ABCD2: variants seen among roughly 807,000 people sequenced by gnomAD.
The protein encoded by ABCD2 is ATP binding cassette subfamily D member 2, also known as ATP-binding cassette sub-family D member 2.
Under a neutral mutation model 70.9 loss-of-function variants are expected in ABCD2, and 36 were observed. That is an observed-to-expected ratio of 0.51 (90% CI 0.39 to 0.67). The LOEUF (loss-of-function observed/expected upper bound fraction) is 0.67, where lower values mean the gene tolerates loss of function less well. Among genes scored for constraint, ABCD2 ranks in the 30% least tolerant of loss-of-function variants. The probability of loss-of-function intolerance (pLI) is 0.00; values close to 1 mark genes in which losing one functional copy is unlikely to be tolerated. For synonymous variants in ABCD2, 304 were observed against 306.9 expected, an observed-to-expected ratio of 0.99 and a Z score of 0.10; for missense variants, 729 against 890.2, an observed-to-expected ratio of 0.82 and a Z score of 2.30.
Position 39,618,726 on chromosome 12 carries a change from G to A in ABCD2, c.890C>T (p.Ser297Leu), listed in dbSNP as rs773549369. The A allele has an allele frequency of 3.7e-6, 6 of 1,614,084 alleles. No homozygotes were observed. The highest frequency in any genetic ancestry group is 1.3e-5 in the African/African-American group (1 of 75,020). ...TTCTTCTACATTGGCTATAATTCTC[G>A]AGTGCACATACCGCAAATAGCCTTT... is the stretch of plus-strand genomic sequence containing the variant. ...HRKGYLRYVHSRIIANVEEIA... is the reference protein window; with the variant it reads ...HRKGYLRYVHLRIIANVEEIA... Residue 297 changes from serine (S) to leucine (L), a missense_variant, in exon 1 of 10, where the codon TCG becomes TTG. Transcript: ENST00000308666.
At chr12:39,585,959 G>A (rs1251847737) in intron 7 of ABCD2, among the ~76,000 whole-genome samples, 193 bp downstream of exon 7, 1 of 152,090 alleles carries the variant, frequency 6.6e-6, no homozygotes, top group African/African-American at 2.4e-5. Context: ...AAAACTTAGT[G>A]TGTTGCATTA....
the ABCD2 span, among the ~76,000 whole-genome samples, chr12:39,534,171 T>G: frequency 1.3e-5 from 2 of 152,172 alleles, no homozygotes; most frequent in Non-Finnish European, 2.9e-5. Flanking sequence ...AGGTGTGCAG[T>G]AGGGTGGTGG....
the ABCD2 span, among the ~76,000 whole-genome samples, chr12:39,534,889 A>G: frequency 7.1e-5 from 1 of 14,104 alleles, no homozygotes; most frequent in Non-Finnish European, 1.2e-4. Context: ...GGAAGGAAAG[A>G]AAGAAAGAAA....
chr12:39,534,965 A>G, the ABCD2 span, among the ~76,000 whole-genome samples: 3 of 151,944 alleles, frequency 2.0e-5, no homozygotes, highest in Admixed American at 6.6e-5. Context: ...AAGAGAAAAT[A>G]TTGACTTTAT....
chr12:39,585,623 T>C (rs1349669265), intron 7 of ABCD2, among the ~76,000 whole-genome samples: 1 of 152,152 alleles, frequency 6.6e-6, no homozygotes, highest in Non-Finnish European at 1.5e-5. Context: ...TAAGCTTATA[T>C]GTACAAATGT....
At chr12:39,599,658 C>T (rs73096553) in intron 6 of ABCD2, among the ~76,000 whole-genome samples, 5,032 of 152,252 alleles carry the variant, frequency 0.033, 136 homozygotes, top group African/African-American at 0.067. Context: ...TGCCTAACTG[C>T]TATGTCTGGT....
chr12:39,534,761 A>AAGGAAG, the ABCD2 span, among the ~76,000 whole-genome samples: 53 of 4,962 alleles, frequency 0.011, no homozygotes, highest in African/African-American at 0.033. Context: ...AGAAAGAAAG[A>AAGGAAG]GAAAGAAAGA....
intron 2 of ABCD2, among the ~76,000 whole-genome samples, chr12:39,614,542 A>G (rs1215393169): frequency 3.4e-5 from 5 of 147,510 alleles, no homozygotes; most frequent in African/African-American, 1.2e-4. Flanking sequence ...TGACTCACCT[A>G]TTTTTCTACC....
At chr12:39,607,429 A>G (rs994815100) in intron 3 of ABCD2, among the ~76,000 whole-genome samples, 170 bp downstream of exon 3, 1 of 152,216 alleles carries the variant, frequency 6.6e-6, no homozygotes, top group Non-Finnish European at 1.5e-5. Context: ...AACAAAGGAT[A>G]TTAGCAGCAT....
chr12:39,602,090 A>T (rs369023895), intron 5 of ABCD2, among the ~76,000 whole-genome samples: 1 of 150,534 alleles, frequency 6.6e-6, no homozygotes, highest in Non-Finnish European at 1.5e-5. Flanking sequence ...TCTCACACTA[A>T]CTTTTCTTCT....
intron 6 of ABCD2, among the ~76,000 whole-genome samples, chr12:39,591,274 G>A (rs1245342205): frequency 6.6e-6 from 1 of 152,076 alleles, no homozygotes; most frequent in African/African-American, 2.4e-5. Context: ...TAAAAAATGT[G>A]TGATAATAAG....
At chr12:39,615,613 T>A (rs1302327320) in intron 2 of ABCD2, among the ~76,000 whole-genome samples, 2 of 152,090 alleles carry the variant, frequency 1.3e-5, no homozygotes, top group Admixed American at 6.6e-5. Flanking sequence ...ATTTGTGAAG[T>A]ATAATTGATA....
At position 39,552,683 on chromosome 12, in the gene ABCD2, A is replaced by T. The variant is rs935959459; in HGVS notation, c.*1229T>A. The T allele has an allele frequency of 2.6e-5, 4 of 151,974 alleles. No individual in the cohort carries two copies. The highest frequency in any genetic ancestry group is 9.7e-5 in the African/African-American group (4 of 41,438). 9.4% of individuals were successfully genotyped at this position (151,974 alleles called of 1,614,324 possible). On this transcript the variant is annotated 3_prime_UTR_variant, in exon 10 of 10. Transcript: ENST00000308666. ...TTTCATTTTAAGCCGCAGAACAATG[A>T]TCTTTGCACTTTGTACTTAATTTTC...
chr12:39,607,526 C>T (rs1941985010), intron 3 of ABCD2, 73 bp downstream of exon 3: 6 of 1,238,888 alleles, frequency 4.8e-6, no homozygotes, highest in Non-Finnish European at 7.0e-6. Context: ...ACTAAGTATA[C>T]TTGGTAATTG....
rs751875238 is a variant in ABCD2 at position 39,607,697 on chromosome 12, C to T, written c.1138G>A (p.Val380Ile). ...FADGEDGQKQ[V>I]MVSERTEAFT... The stretch of plus-strand genomic sequence containing the variant: ...GCTTCTGTCCGTTCACTAACCATAA[C>T]TTGCTTTTGGCCATCCTCTAGATAT... Residue 380 changes from valine to isoleucine, a missense_variant, in exon 3 of 10, where the codon GTT (valine) becomes ATT (isoleucine). By Grantham distance (29) the Val-to-Ile change is conservative. This residue lies in a region of ABCD2 where 195 missense variants were observed against 300.2 expected (regional missense o/e 0.65). Coordinates refer to ENST00000308666, the MANE Select transcript of ABCD2 (RefSeq NM_005164.4). 26 of 1,608,324 alleles carry T rather than the reference C, an allele frequency of 1.6e-5. No individual in the cohort carries two copies. Among genetic ancestry groups the T allele is most frequent in the Non-Finnish European group, 2.2e-5 (26 of 1,177,994 alleles).
At position 39,619,694 on chromosome 12, in the gene ABCD2, T is replaced by C; in HGVS notation, c.-79A>G. 1 of 1,315,138 alleles carries C rather than the reference T, an allele frequency of 7.6e-7. No homozygotes were observed. Among genetic ancestry groups the C allele is most frequent in the East Asian group, 2.4e-5 (1 of 40,950 alleles). 81.5% of individuals were successfully genotyped at this position (1,315,138 alleles called of 1,614,324 possible). A position where few individuals can be genotyped will look rare whatever the true frequency, so the allele number is the denominator to read the frequency against. On this transcript the variant is annotated 5_prime_UTR_variant, in exon 1 of 10. It removes the in-frame stop codon of an upstream open reading frame in the 5' UTR. Coordinates refer to ENST00000308666, the MANE Select transcript of ABCD2 (RefSeq NM_005164.4). ...TTCACAGAAATCCCCAGCAAATGTT[T>C]TAGAAAGTCCTACAGCGTCCCATAG... is the stretch of plus-strand genomic sequence containing the variant.
intron 9 of ABCD2, among the ~76,000 whole-genome samples, chr12:39,562,362 G>C (rs949511539): frequency 6.6e-6 from 1 of 151,640 alleles, no homozygotes; most frequent in Non-Finnish European, 1.5e-5. Context: ...AAATAAAATA[G>C]AGCCTGGAAA....
intron 7 of ABCD2, among the ~76,000 whole-genome samples, chr12:39,585,520 T>C (rs1941652229): frequency 6.6e-6 from 1 of 152,172 alleles, no homozygotes; most frequent in Non-Finnish European, 1.5e-5. Flanking sequence ...TTCTCTTGCC[T>C]GGCTTATCTA....
chr12:39,581,671 T>C lies in ABCD2; in HGVS notation c.1793-2052A>G, dbSNP rs142490405. ...TTCTGGGCTTAACTTTTTTTTCCCC[T>C]GCCCCCTGAAAACATGGCACAAGAG... is the stretch of plus-strand genomic sequence containing the variant. On this transcript the variant is annotated intron_variant, in intron 7 of 9. Transcript: ENST00000308666. Among the ~76,000 whole-genome samples, 327 of 152,286 alleles carry C rather than the reference T, an allele frequency of 2.1e-3. 2 individuals are homozygous for C. Among genetic ancestry groups the C allele is most frequent in the African/African-American group, 7.5e-3 (310 of 41,574 alleles).
Sources: allele counts gnomAD v4.1 joint callset (sites outside exome capture counted in the v4.1 genomes callset), GRCh38; gene constraint gnomAD v4.1.1; regional missense constraint gnomAD v4.1.1; transcripts MANE v1.5; gene names NCBI Gene and HGNC (gene_info 2026-07-23, HGNC 2026-07-21).